HECW2: variants seen among roughly 807,000 people sequenced by gnomAD.
HECW2 encodes the protein HECT, C2 and WW domain containing E3 ubiquitin protein ligase 2.
A neutral mutation model predicts 175.2 loss-of-function variants in HECW2; 61 were observed. The ratio of observed to expected loss-of-function variants is 0.35; its 90% CI spans 0.28 to 0.43. HECW2 has a LOEUF of 0.43. HECW2 is among the 20% of genes least tolerant of loss of function. HECW2 has a pLI of 1.00. For synonymous variants in HECW2, 671 were observed against 731.0 expected, an observed-to-expected ratio of 0.92 and a Z score of 1.32; for missense variants, 1,524 against 2,000.5, an observed-to-expected ratio of 0.76 and a Z score of 4.54.
chr2:196,384,072 T>C (rs1376185783), intron 2 of HECW2, among the ~76,000 whole-genome samples: 1 of 152,218 alleles, frequency 6.6e-6, no homozygotes, highest in Non-Finnish European at 1.5e-5. Flanking sequence ...ATTTCTTCAC[T>C]CTTCCATCTG....
chr2:196,590,040 T>C, intron 1 of HECW2, among the ~76,000 whole-genome samples: 1 of 152,240 alleles, frequency 6.6e-6, no homozygotes, highest in East Asian at 1.9e-4. Context: ...TCTGATTTTC[T>C]AGCTTTGCAT....
At chr2:196,215,289 A>T (rs1687433674) in intron 28 of HECW2, among the ~76,000 whole-genome samples, 2 of 152,238 alleles carry the variant, frequency 1.3e-5, no homozygotes, top group South Asian at 4.1e-4. Context: ...GTGCATGAAC[A>T]CCCAATTATC....
chr2:196,448,809 G>A (rs55744387), intron 1 of HECW2, among the ~76,000 whole-genome samples: 3 of 152,208 alleles, frequency 2.0e-5, no homozygotes, highest in Admixed American at 6.5e-5. Flanking sequence ...TCGTTGATAA[G>A]CAGGCATAAT....
intron 14 of HECW2, among the ~76,000 whole-genome samples, chr2:196,284,674 G>T (rs565384073): frequency 6.6e-6 from 1 of 152,272 alleles, no homozygotes; most frequent in South Asian, 2.1e-4. Flanking sequence ...AATTATGTCA[G>T]GAAAATGGAT....
chr2:196,276,462 T>C (rs1000242450), intron 15 of HECW2, among the ~76,000 whole-genome samples: 4 of 152,226 alleles, frequency 2.6e-5, no homozygotes, highest in African/African-American at 7.2e-5. Context: ...ATCTCATGCA[T>C]GTTTTCCCAG....
intron 2 of HECW2, among the ~76,000 whole-genome samples, chr2:196,346,212 A>G (rs1419029490): frequency 6.6e-6 from 1 of 152,230 alleles, no homozygotes; most frequent in Non-Finnish European, 1.5e-5. Context: ...ATTTGGTATT[A>G]CTAAACTTTT....
At chr2:196,560,810 T>C (rs1272493761) in intron 1 of HECW2, among the ~76,000 whole-genome samples, 1 of 152,202 alleles carries the variant, frequency 6.6e-6, no homozygotes, top group Non-Finnish European at 1.5e-5. Flanking sequence ...CATGGACATT[T>C]ATCACTTCCC....
chr2:196,425,332 C>G (rs906432851), intron 2 of HECW2, among the ~76,000 whole-genome samples: 9 of 151,892 alleles, frequency 5.9e-5, no homozygotes, highest in African/African-American at 2.2e-4. Flanking sequence ...TTCTGTAGCC[C>G]ATGGGCCAAG....
intron 1 of HECW2, among the ~76,000 whole-genome samples, chr2:196,532,829 G>A (rs755917457): frequency 1.3e-5 from 2 of 152,080 alleles, no homozygotes; most frequent in African/African-American, 4.8e-5. Flanking sequence ...AGAGCAAAGA[G>A]GTGGGGAAAA....
At chr2:196,264,254 G>T (rs921932167) in intron 17 of HECW2, 4 of 152,112 alleles carry the variant, frequency 2.6e-5, no homozygotes, top group Admixed American at 2.0e-4. Context: ...TTTTGGGGTT[G>T]GGGAAGGCAC....
At chr2:196,308,377 T>C (rs1276144672) in intron 10 of HECW2, among the ~76,000 whole-genome samples, 2 of 152,182 alleles carry the variant, frequency 1.3e-5, no homozygotes, top group African/African-American at 4.8e-5. Flanking sequence ...AGCCCCAGCA[T>C]TTTAAAAATA....
chr2:196,422,120 T>C (rs1575525332), intron 2 of HECW2, among the ~76,000 whole-genome samples: 1 of 152,182 alleles, frequency 6.6e-6, no homozygotes, highest in Non-Finnish European at 1.5e-5. Context: ...TCTGAACACC[T>C]TGCAAAGTGT....
chr2:196,315,628 T>C (rs970534071), intron 10 of HECW2, among the ~76,000 whole-genome samples: 1 of 152,168 alleles, frequency 6.6e-6, no homozygotes, highest in African/African-American at 2.4e-5. Context: ...CATCAACTCA[T>C]TAAAAGGAAC....
chr2:196,570,869 CCAGT>C (rs1690360672), intron 1 of HECW2, among the ~76,000 whole-genome samples: 1 of 152,260 alleles, frequency 6.6e-6, no homozygotes, highest in African/African-American at 2.4e-5. Context: ...CATGTGAGGT[CCAGT>C]TTGCCAGACT....
intron 2 of HECW2, among the ~76,000 whole-genome samples, chr2:196,396,593 C>G (rs1257862015): frequency 1.3e-5 from 2 of 152,232 alleles, no homozygotes; most frequent in African/African-American, 4.8e-5. Context: ...CAATGTATCT[C>G]TATTGTTTCC....
In HECW2 at chr2:196,414,742, G is replaced by A. The variant is rs1006756110; in HGVS notation, c.292+18390C>T. ...CAGGAGTAACAGTGCCCCAACACCAGCTTTGTTGTGGGCGGATCCCCCACA... is the reference window on the plus strand; with the variant it reads ...CAGGAGTAACAGTGCCCCAACACCAACTTTGTTGTGGGCGGATCCCCCACA... On this transcript the variant is annotated intron_variant, in intron 2 of 28. Coordinates refer to ENST00000644978, the MANE Select transcript of HECW2 (RefSeq NM_001348768.2). 7.9e-5 allele frequency among the ~76,000 whole-genome samples: 12 copies of A among 152,130 alleles called. 1 individual carries two copies. The highest frequency in any genetic ancestry group is 7.2e-4 in the Admixed American group (11 of 15,274).
At chr2:196,237,792 T>G (rs1007007015) in intron 21 of HECW2, among the ~76,000 whole-genome samples, 1 of 152,228 alleles carries the variant, frequency 6.6e-6, no homozygotes, top group African/African-American at 2.4e-5. Flanking sequence ...ACTCTTTCAG[T>G]TGGCTCCTGG....
chr2:196,231,711 G>A (rs553621142), intron 21 of HECW2, among the ~76,000 whole-genome samples: 7 of 152,322 alleles, frequency 4.6e-5, no homozygotes, highest in East Asian at 3.9e-4. Context: ...GCTTATGGGC[G>A]GGGGCAGTGG....
At chr2:196,358,004 A>T (rs1693441701) in intron 2 of HECW2, among the ~76,000 whole-genome samples, 1 of 152,192 alleles carries the variant, frequency 6.6e-6, no homozygotes. Context: ...TTTTCTATGT[A>T]TATATCACAC....
Sources: gnomAD v4.1 joint callset for allele counts (sites outside exome capture counted in the v4.1 genomes callset) on GRCh38, gnomAD v4.1.1 for gene constraint, MANE v1.5 for transcripts, NCBI Gene and HGNC (gene_info 2026-07-23, HGNC 2026-07-21) for gene names.